APOO: variants seen among roughly 807,000 people sequenced by gnomAD.
The protein encoded by APOO is apolipoprotein O.
In APOO, 11 loss-of-function variants were observed where a neutral mutation model predicts 23.1. The observed-to-expected ratio is 0.48, with a 90% CI of 0.30 to 0.79. The LOEUF is 0.79. APOO is among the 30% of genes least tolerant of loss of function. The pLI, the probability that APOO is intolerant of heterozygous loss-of-function variation, is 0.07. For missense variants in APOO, 160 were observed against 142.7 expected (o/e 1.12, Z -0.62); for synonymous variants, 59 against 54.8 (o/e 1.08, Z -0.34).
Position 23,840,325 on chromosome X carries a change from G to A in APOO, c.*17C>T. 1 of 1,182,297 alleles carries A rather than the reference G, an allele frequency of 8.5e-7. No homozygotes were observed. The highest frequency in any genetic ancestry group is 1.1e-6 in the Non-Finnish European group (1 of 880,657). On this transcript the variant is annotated 3_prime_UTR_variant, in exon 8 of 9. Coordinates refer to ENST00000379226, the MANE Select transcript of APOO (RefSeq NM_024122.5). ...TCTTGTTTTTTACCTGATTAAGATG[G>A]CAGAGCATGGAGTTTTCTACTTAGT...
chrX:23,880,670 C>T (rs191305710), intron 2 of APOO, among the ~76,000 whole-genome samples, 175 bp downstream of exon 2: 6 of 108,653 alleles, frequency 5.5e-5, no homozygotes, highest in Non-Finnish European at 1.1e-4. Flanking sequence ...TGCACTCCAG[C>T]CTGGGCAACA....
At chrX:23,881,235 C>T (rs1476204168) in intron 1 of APOO, among the ~76,000 whole-genome samples, 9 of 109,298 alleles carry the variant, frequency 8.2e-5, no homozygotes, top group African/African-American at 1.7e-4. Flanking sequence ...CCACCACACC[C>T]GGCTAATTTT....
chrX:23,895,179 C>A (rs1926845950), intron 1 of APOO, among the ~76,000 whole-genome samples: 1 of 110,450 alleles, frequency 9.1e-6, no homozygotes, highest in Non-Finnish European at 1.9e-5. Flanking sequence ...CACACACACA[C>A]AAAGATGAGA....
Position 23,833,619 on chromosome X carries a change from GAAAGA to G in APOO, c.*30-12_*30-8del, listed in dbSNP as rs1923513783. On this transcript the variant is annotated splice_polypyrimidine_tract_variant and splice_region_variant and intron_variant, in intron 8 of 8. Transcript: ENST00000379226. ...TTCCAATGTTTACCTATAACTAAAA[GAAAGA>G]AAAGAAAAACATAAGTAACTGTGCC... 3 of 112,311 alleles carry G rather than the reference GAAAGA, an allele frequency of 2.7e-5. No individual in the cohort carries two copies. The highest frequency in any genetic ancestry group is 1.9e-4 in the Admixed American group (2 of 10,406). The allele number at this position is 112,311 out of a possible 1,213,427, so 9.3% of individuals were successfully genotyped here. A position where few individuals can be genotyped will look rare whatever the true frequency, so the allele number is the denominator to read the frequency against.
At chrX:23,836,637 TTTTTC>T (rs1254904159) in intron 8 of APOO, 22 of 756,530 alleles carry the variant, frequency 2.9e-5, no homozygotes, top group South Asian at 6.2e-5. Context: ...TTTTTTTTTT[TTTTTC>T]CCCAAATCAA....
intron 8 of APOO, among the ~76,000 whole-genome samples, chrX:23,835,671 T>C (rs1031864250): frequency 1.8e-5 from 2 of 110,971 alleles, no homozygotes; most frequent in Admixed American, 1.9e-4. Context: ...CAATATGTTA[T>C]GTAAAACAAG....
chrX:23,870,128 A>C (rs1360449559), intron 4 of APOO, among the ~76,000 whole-genome samples: 14 of 111,437 alleles, frequency 1.3e-4, no homozygotes. Flanking sequence ...TAGAATAAAA[A>C]TAAATACAAC....
rs146649171 is a variant in APOO, at chrX:23,855,602, C to T, written c.561+700G>A. Among the ~76,000 whole-genome samples the T allele has an allele frequency of 4.7e-3, 523 of 111,444 alleles. 4 individuals are homozygous for T. Among genetic ancestry groups the T allele is most frequent in the African/African-American group, 0.016 (484 of 30,711 alleles). ...CCTTAGCTGGCTGTGCCTCTGAGTG[C>T]TTAGTAGAGACATGATACCTTATTC... On this transcript the variant is annotated intron_variant, in intron 7 of 8. Coordinates refer to ENST00000379226, the MANE Select transcript of APOO (RefSeq NM_024122.5).
chrX:23,881,884 G>A (rs983941235), intron 1 of APOO, among the ~76,000 whole-genome samples: 1 of 98,348 alleles, frequency 1.0e-5, no homozygotes, highest in African/African-American at 3.9e-5. Flanking sequence ...GGAGGTGGAG[G>A]TTGCAGTGAA....
At chrX:23,875,124 C>T (rs1925783911) in intron 3 of APOO, among the ~76,000 whole-genome samples, 1 of 109,461 alleles carries the variant, frequency 9.1e-6, no homozygotes. Flanking sequence ...GTGGCACGCG[C>T]CTGTAGTCCC....
chrX:23,836,221 C>T (rs1923659633), intron 8 of APOO, among the ~76,000 whole-genome samples: 1 of 112,826 alleles, frequency 8.9e-6, no homozygotes, highest in Admixed American at 9.4e-5. Flanking sequence ...GCAACCTCTA[C>T]CTCCCGGGTT....
At chrX:23,847,938 G>A (rs1367279953) in intron 7 of APOO, among the ~76,000 whole-genome samples, 7 of 108,011 alleles carry the variant, frequency 6.5e-5, no homozygotes, top group Non-Finnish European at 3.8e-5. Flanking sequence ...GTACAACGGC[G>A]GGATCTTGGC....
At chrX:23,870,920 C>T in intron 4 of APOO, among the ~76,000 whole-genome samples, 1 of 110,169 alleles carries the variant, frequency 9.1e-6, no homozygotes, top group East Asian at 2.8e-4. Flanking sequence ...GAAACCCCGT[C>T]TCTACTAAAA....
In APOO at chrX:23,907,888, C is replaced by T. The variant is rs1927446911; in HGVS notation, c.-186G>A. On this transcript the variant is annotated 5_prime_UTR_variant, in exon 1 of 9. Coordinates refer to ENST00000379226, the MANE Select transcript of APOO (RefSeq NM_024122.5). ...AGTTCAATCACCCGGTTCTAGAAGC[C>T]GCGTCGCTGAGCCGCAGCGCGTCGC... is the stretch of plus-strand genomic sequence containing the variant. 4.3e-6 allele frequency: 2 copies of T among 470,394 alleles called. No homozygotes were observed. Among genetic ancestry groups the T allele is most frequent in the African/African-American group, 2.5e-5 (1 of 40,196 alleles). 38.8% of individuals were successfully genotyped at this position (470,394 alleles called of 1,213,427 possible).
intron 7 of APOO, among the ~76,000 whole-genome samples, chrX:23,842,489 C>T (rs1056276889): frequency 4.5e-5 from 5 of 111,669 alleles, no homozygotes; most frequent in African/African-American, 1.6e-4. Flanking sequence ...ACACGAATAA[C>T]AATTTCTGTT....
chrX:23,898,031 C>T (rs1262371676), intron 1 of APOO, among the ~76,000 whole-genome samples: 2 of 104,560 alleles, frequency 1.9e-5, no homozygotes, highest in Non-Finnish European at 3.9e-5. Context: ...ACACAGGTTT[C>T]TATCTAGACA....
At chrX:23,878,884 T>G in intron 3 of APOO, 31 bp downstream of exon 3, 1 of 1,200,615 alleles carries the variant, frequency 8.3e-7, no homozygotes, top group East Asian at 3.0e-5. Context: ...TAAACAGAAA[T>G]GCGTTCACTC....
At position 23,840,396 on chromosome X, in the gene APOO, G is replaced by C; in HGVS notation, c.562-19C>G. 3 of 1,189,623 alleles carry C rather than the reference G, an allele frequency of 2.5e-6. No individual in the cohort carries two copies. Among genetic ancestry groups the C allele is most frequent in the Non-Finnish European group, 3.4e-6 (3 of 882,539 alleles). ...TTCCTGGCTTTTAAAACAAAAGAAA[G>C]AGCTTGAATGCAGTTTGAAAAGAAA... On this transcript the variant is annotated intron_variant, in intron 7 of 8. Transcript: ENST00000379226.
At chrX:23,844,743 T>C (rs1924158058) in intron 7 of APOO, among the ~76,000 whole-genome samples, 1 of 112,166 alleles carries the variant, frequency 8.9e-6, no homozygotes, top group Admixed American at 9.5e-5. Context: ...AGATAATCAT[T>C]TGCACTACTT....
Sources: allele counts gnomAD v4.1 joint callset (sites outside exome capture counted in the v4.1 genomes callset), GRCh38; gene constraint gnomAD v4.1.1; transcripts MANE v1.5; gene names NCBI Gene and HGNC (gene_info 2026-07-23, HGNC 2026-07-21).